The following LARP4 variants were observed in gnomAD, a reference collection of about 807,000 sequenced individuals.
The protein encoded by LARP4 is La ribonucleoprotein 4.
Under a neutral mutation model 92.9 loss-of-function variants are expected in LARP4, and 29 were observed. The observed-to-expected ratio is 0.31, with a 90% CI of 0.23 to 0.43. LARP4 has a LOEUF of 0.43. Ranked by LOEUF, LARP4 falls within the 20% of genes least tolerant of loss-of-function variation. The probability of loss-of-function intolerance (pLI) is 1.00; values close to 1 mark genes in which losing one functional copy is unlikely to be tolerated. For missense variants in LARP4, 732 were observed against 860.0 expected, an observed-to-expected ratio of 0.85 and a Z score of 1.86; for synonymous variants, 279 against 284.1, an observed-to-expected ratio of 0.98 and a Z score of 0.18.
intron 11 of LARP4, 105 bp downstream of exon 11, chr12:50,461,452 A>C (rs1241171844): frequency 3.7e-6 from 4 of 1,081,756 alleles, no homozygotes; most frequent in Non-Finnish European, 5.3e-6. Context: ...AATTATTGGT[A>C]TATGGTTATA....
intron 13 of LARP4, among the ~76,000 whole-genome samples, chr12:50,471,849 C>A (rs553237024): frequency 2.2e-4 from 33 of 152,268 alleles, no homozygotes; most frequent in South Asian, 1.0e-3. Context: ...AAGAAACAGA[C>A]TCATATATTT....
intron 1 of LARP4, among the ~76,000 whole-genome samples, chr12:50,403,361 G>C (rs1944224488): frequency 6.6e-6 from 1 of 152,186 alleles, no homozygotes; most frequent in Non-Finnish European, 1.5e-5. Context: ...AACAGTGTAT[G>C]TGACCTTGTC....
intron 1 of LARP4, among the ~76,000 whole-genome samples, chr12:50,414,049 A>T (rs1467973446): frequency 6.6e-6 from 1 of 152,170 alleles, no homozygotes; most frequent in Non-Finnish European, 1.5e-5. Flanking sequence ...TGTGTATTTA[A>T]GGCTTTTAAT....
At chr12:50,459,590 C>T (rs1954953389) in intron 10 of LARP4, among the ~76,000 whole-genome samples, 1 of 152,058 alleles carries the variant, frequency 6.6e-6, no homozygotes, top group Admixed American at 6.6e-5. Flanking sequence ...CTCTGGGAGG[C>T]CGAGGTGAGC....
chr12:50,412,505 T>C (rs993935339), intron 1 of LARP4: 1 of 734,832 alleles, frequency 1.4e-6, no homozygotes, highest in Non-Finnish European at 1.7e-6. Context: ...TTACCATATT[T>C]ATGGTGATTT....
chr12:50,445,602 C>CAACCT (rs1951887753), intron 8 of LARP4, among the ~76,000 whole-genome samples: 1 of 152,004 alleles, frequency 6.6e-6, no homozygotes, highest in Non-Finnish European at 1.5e-5. Context: ...AGATTCTGTT[C>CAACCT]ATTTTTCTTC....
rs757446558 is a variant in LARP4 at position 50,475,560 on chromosome 12, A to G, written c.1871A>G (p.Gln624Arg). 2 of 1,613,930 alleles carry G rather than the reference A, an allele frequency of 1.2e-6. No homozygotes were observed. The highest frequency in any genetic ancestry group is 3.3e-5 in the Admixed American group (2 of 60,000). The change falls in exon 16 of 16, where the codon CAG (glutamine) becomes CGG (arginine). Residue 624 changes from glutamine to arginine, a missense_variant. By Grantham distance (43) the Gln-to-Arg change is conservative (BLOSUM62 1). This residue lies in a region of LARP4 where 115 missense variants were observed against 129.1 expected (regional missense o/e 0.89). Transcript: ENST00000398473. ...PRKLSYAEVC[Q>R]KPPKEPSSVL... ...AAGTTAAGTTATGCTGAAGTGTGCC[A>G]GAAGCCCCCTAAAGAGCCATCTTCA...
At chr12:50,459,591 C>T (rs949345257) in intron 10 of LARP4, among the ~76,000 whole-genome samples, 5 of 151,946 alleles carry the variant, frequency 3.3e-5, no homozygotes, top group Admixed American at 1.3e-4. Context: ...TCTGGGAGGC[C>T]GAGGTGAGCA....
chr12:50,429,793 C>T (rs1419506273), intron 3 of LARP4, among the ~76,000 whole-genome samples: 1 of 152,058 alleles, frequency 6.6e-6, no homozygotes, highest in Admixed American at 6.6e-5. Context: ...CACGCGCCAC[C>T]ACACCTGGCT....
chr12:50,422,200 A>G (rs938255179), intron 1 of LARP4, among the ~76,000 whole-genome samples: 6 of 152,028 alleles, frequency 3.9e-5, no homozygotes, highest in African/African-American at 1.2e-4. Context: ...CCTGACCTCA[A>G]GTGATCTGCC....
chr12:50,409,801 TA>T (rs1945513034), intron 1 of LARP4, among the ~76,000 whole-genome samples: 3 of 150,982 alleles, frequency 2.0e-5, no homozygotes, highest in Non-Finnish European at 4.4e-5. Flanking sequence ...TTATTATTAT[TA>T]TTATTATTTT....
At chr12:50,431,140 T>C (rs1427500439) in intron 4 of LARP4, among the ~76,000 whole-genome samples, 1 of 152,024 alleles carries the variant, frequency 6.6e-6, no homozygotes, top group African/African-American at 2.4e-5. Context: ...TGGTGGTGCG[T>C]GCCTGTAATC....
intron 6 of LARP4, among the ~76,000 whole-genome samples, chr12:50,439,531 T>C (rs1326928851): frequency 2.0e-5 from 3 of 152,132 alleles, no homozygotes; most frequent in Non-Finnish European, 4.4e-5. Context: ...GCCACCCAAG[T>C]AGCTGTGACT....
Position 50,475,670 on chromosome 12 carries a change from G to A in LARP4, c.1981G>A (p.Val661Ile), listed in dbSNP as rs374242008. 32 of 1,613,968 alleles carry A rather than the reference G, an allele frequency of 2.0e-5. No individual in the cohort carries two copies. Among genetic ancestry groups the A allele is most frequent in the South Asian group, 8.8e-5 (8 of 91,080 alleles). ...AGACAATGGAGCTCCTGAGAACTCC[G>A]TTGAGAAACCACATGAGAAGCCAGA... ...NEDNGAPENS[V>I]EKPHEKPEAR... The change falls in exon 16 of 16, where the codon GTT becomes ATT. Residue 661 changes from valine to isoleucine, a missense_variant. Val to Ile is a conservative substitution (Grantham distance 29, BLOSUM62 3). This residue lies in a region of LARP4 where 115 missense variants were observed against 129.1 expected (regional missense o/e 0.89). Transcript: ENST00000398473.
In LARP4 at chr12:50,479,940, C is replaced by G. The variant is rs1957776991; in HGVS notation, c.*4076C>G. On this transcript the variant is annotated 3_prime_UTR_variant, in exon 16 of 16. Transcript: ENST00000398473. ...ACATCCTTGTATTTGTATTTGTTTT[C>G]AACATCGCCAAGGTGCTATGGGAAA... 1 of 152,292 alleles carries G rather than the reference C, an allele frequency of 6.6e-6. No homozygotes were observed. The highest frequency in any genetic ancestry group is 2.1e-4 in the South Asian group (1 of 4,802). The allele number at this position is 152,292 out of a possible 1,614,324, so 9.4% of individuals were successfully genotyped here. A position where few individuals can be genotyped will look rare whatever the true frequency, so the allele number is the denominator to read the frequency against.
In LARP4 at chr12:50,409,755, A is replaced by T. The variant is rs575921908; in HGVS notation, c.18+8727A>T. On this transcript the variant is annotated intron_variant, in intron 1 of 15. Coordinates refer to ENST00000398473, the MANE Select transcript of LARP4 (RefSeq NM_052879.5). ...ACTCCAGCCTGGATGACATAGCAAG[A>T]TTCTGTCTCAAAAAAAAAAAAGAAA... 1.4e-4 allele frequency among the ~76,000 whole-genome samples: 21 copies of T among 150,760 alleles called. No homozygotes were observed. In the East Asian group the frequency reaches 4.1e-3, roughly 29 times the overall value.
At chr12:50,433,803 C>A (rs985743099) in intron 4 of LARP4, among the ~76,000 whole-genome samples, 1 of 152,028 alleles carries the variant, frequency 6.6e-6, no homozygotes, top group Non-Finnish European at 1.5e-5. Flanking sequence ...CCGTGCCTGG[C>A]TAAGTTTTGT....
intron 13 of LARP4, among the ~76,000 whole-genome samples, chr12:50,472,664 C>G (rs965631294): frequency 2.0e-5 from 3 of 151,980 alleles, no homozygotes; most frequent in African/African-American, 4.8e-5. Flanking sequence ...GGACACCCCC[C>G]ACCCTAGCTA....
At chr12:50,438,113 T>A (rs191150874) in intron 6 of LARP4, among the ~76,000 whole-genome samples, 5 of 152,334 alleles carry the variant, frequency 3.3e-5, no homozygotes, top group African/African-American at 1.2e-4. Context: ...ACTAGATTGA[T>A]TCAATGGCAA....
Sources: allele counts gnomAD v4.1 joint callset (sites outside exome capture counted in the v4.1 genomes callset), GRCh38; gene constraint gnomAD v4.1.1; regional missense constraint gnomAD v4.1.1; transcripts MANE v1.5; gene names NCBI Gene and HGNC (gene_info 2026-07-23, HGNC 2026-07-21).